R3HDM1: variants seen among roughly 807,000 people sequenced by gnomAD.
The protein encoded by R3HDM1 is R3H domain-containing protein 1.
R3HDM1 carries 46 observed loss-of-function variants against 141.1 expected under a neutral mutation model. That is an observed-to-expected ratio of 0.33 (90% CI 0.26 to 0.42). The LOEUF (loss-of-function observed/expected upper bound fraction) is 0.42, where lower values mean the gene tolerates loss of function less well. R3HDM1 is among the 10% of genes least tolerant of loss of function. R3HDM1 has a pLI of 1.00. For synonymous variants in R3HDM1, 435 were observed against 472.9 expected, an observed-to-expected ratio of 0.92 and a Z score of 1.04; for missense variants, 1,184 against 1,368.3, an observed-to-expected ratio of 0.87 and a Z score of 2.12.
chr2:135,593,838 A>G (rs1181980487), intron 1 of R3HDM1, among the ~76,000 whole-genome samples: 2 of 152,176 alleles, frequency 1.3e-5, no homozygotes, highest in Non-Finnish European at 2.9e-5. Flanking sequence ...CTCATGCGTC[A>G]GCCTCCCAAG....
chr2:135,633,054 T>G (rs2105221600), intron 9 of R3HDM1, among the ~76,000 whole-genome samples: 1 of 152,328 alleles, frequency 6.6e-6, no homozygotes, highest in African/African-American at 2.4e-5. Context: ...TTTTAAATGA[T>G]CGTTCCTATA....
At chr2:135,682,436 T>C (rs1306412201) in intron 21 of R3HDM1, among the ~76,000 whole-genome samples, 1 of 152,168 alleles carries the variant, frequency 6.6e-6, no homozygotes, top group Non-Finnish European at 1.5e-5. Context: ...GAGCTTGCCA[T>C]AAGAGTGTGG....
intron 1 of R3HDM1, among the ~76,000 whole-genome samples, chr2:135,580,860 T>C (rs940242424): frequency 6.6e-6 from 1 of 152,202 alleles, no homozygotes; most frequent in African/African-American, 2.4e-5. Flanking sequence ...GCTTTTTGGA[T>C]CTTGTTCATA....
At chr2:135,603,853 C>T (rs1463760506) in intron 2 of R3HDM1, among the ~76,000 whole-genome samples, 1 of 152,212 alleles carries the variant, frequency 6.6e-6, no homozygotes, top group African/African-American at 2.4e-5. Flanking sequence ...GCAATCCGCC[C>T]ACCTTGGCCT....
chr2:135,548,584 C>G (rs955657365), intron 1 of R3HDM1, among the ~76,000 whole-genome samples: 2 of 152,046 alleles, frequency 1.3e-5, no homozygotes, highest in African/African-American at 4.8e-5. Context: ...CATCGCCCCC[C>G]CACCCCATAC....
intron 5 of R3HDM1, 86 bp downstream of exon 5, chr2:135,616,843 G>A: frequency 8.3e-7 from 1 of 1,208,022 alleles, no homozygotes; most frequent in Non-Finnish European, 1.2e-6. Context: ...TGTTATATTT[G>A]TTTTATTTTG....
intron 3 of R3HDM1, 50 bp downstream of exon 3, chr2:135,605,066 T>G: frequency 7.3e-7 from 1 of 1,375,408 alleles, no homozygotes; most frequent in South Asian, 1.4e-5. Context: ...TCAGTATATA[T>G]TTATGTTTAT....
chr2:135,626,055 G>A (rs1354332713), intron 7 of R3HDM1, among the ~76,000 whole-genome samples: 1 of 152,220 alleles, frequency 6.6e-6, no homozygotes, highest in African/African-American at 2.4e-5. Context: ...CTTGGAACTG[G>A]TGTCTGAAGT....
At position 135,619,474 on chromosome 2, in the gene R3HDM1, A is replaced by G. The variant is rs148438738; in HGVS notation, c.304-2020A>G. 2.0e-5 allele frequency among the ~76,000 whole-genome samples: 3 copies of G among 152,314 alleles called. No homozygotes were observed. The East Asian group carries it at 5.8e-4, about 29-fold the overall frequency. On this transcript the variant is annotated intron_variant, in intron 5 of 26. Coordinates refer to ENST00000683871, the MANE Select transcript of R3HDM1 (RefSeq NM_001378107.1). ...GAGTTATGGCATGTGGATAATGACTAAAGAAGTTATATCAAAAGTCAATTA... is the reference window on the plus strand; with the variant it reads ...GAGTTATGGCATGTGGATAATGACTGAAGAAGTTATATCAAAAGTCAATTA...
chr2:135,603,047 T>C (rs191728927), intron 2 of R3HDM1, among the ~76,000 whole-genome samples: 1 of 152,280 alleles, frequency 6.6e-6, no homozygotes, highest in East Asian at 1.9e-4. Context: ...AGTGGCGCGA[T>C]CTTGGCTCAC....
intron 2 of R3HDM1, among the ~76,000 whole-genome samples, chr2:135,603,903 G>T (rs1027427209): frequency 6.6e-6 from 1 of 152,120 alleles, no homozygotes; most frequent in African/African-American, 2.4e-5. Context: ...CACCGCAGCC[G>T]GCCAAGTTCT....
At chr2:135,553,182 G>A (rs1383297328) in intron 1 of R3HDM1, among the ~76,000 whole-genome samples, 1 of 152,008 alleles carries the variant, frequency 6.6e-6, no homozygotes, top group African/African-American at 2.4e-5. Context: ...AACATTGCTT[G>A]GCATCCATTC....
chr2:135,556,720 G>T (rs889854834), intron 1 of R3HDM1, among the ~76,000 whole-genome samples: 1 of 151,834 alleles, frequency 6.6e-6, no homozygotes, highest in Non-Finnish European at 1.5e-5. Context: ...GGGTTTCACC[G>T]TGTTAGCCAG....
At chr2:135,567,902 G>GC (rs1435201933) in intron 1 of R3HDM1, among the ~76,000 whole-genome samples, 19 of 127,756 alleles carry the variant, frequency 1.5e-4, no homozygotes, top group Admixed American at 9.1e-4. Flanking sequence ...ACCACACCTG[G>GC]CTTTTTTTTT....
chr2:135,630,294 AAAAAAAAAAAAAAAC>A (rs1260797133), intron 7 of R3HDM1, among the ~76,000 whole-genome samples: 12 of 146,480 alleles, frequency 8.2e-5, no homozygotes, highest in African/African-American at 2.9e-4. Context: ...AAAAAAAAAA[AAAAAAAAAAAAAAAC>A]AAAAAAAAAA....
intron 1 of R3HDM1, among the ~76,000 whole-genome samples, chr2:135,538,894 G>A (rs966122800): frequency 2.6e-5 from 4 of 152,120 alleles, no homozygotes; most frequent in African/African-American, 4.8e-5. Flanking sequence ...GATTACAGAC[G>A]TGAGCCACCA....
intron 21 of R3HDM1, among the ~76,000 whole-genome samples, chr2:135,697,269 C>T (rs1316561079): frequency 2.6e-5 from 4 of 152,150 alleles, no homozygotes; most frequent in African/African-American, 7.2e-5. Flanking sequence ...TATCTTAGAA[C>T]AGATGTCAGA....
chr2:135,666,998 A>G (rs2067620837), intron 19 of R3HDM1: 1 of 540,738 alleles, frequency 1.8e-6, no homozygotes, highest in Non-Finnish European at 2.4e-6. Flanking sequence ...ATTAATAGGT[A>G]CTATTAAGTG....
At chr2:135,555,165 T>C (rs912386499) in intron 1 of R3HDM1, among the ~76,000 whole-genome samples, 1 of 151,702 alleles carries the variant, frequency 6.6e-6, no homozygotes, top group African/African-American at 2.4e-5. Context: ...CCAGGCATGG[T>C]GGTGCGTGCC....
Sources: allele counts gnomAD v4.1 joint callset (sites outside exome capture counted in the v4.1 genomes callset), GRCh38; gene constraint gnomAD v4.1.1; transcripts MANE v1.5; gene names NCBI Gene and HGNC (gene_info 2026-07-23, HGNC 2026-07-21).